Variants in SPON1 observed in about 807,000 individuals in gnomAD.
The protein encoded by SPON1 is spondin-1.
A neutral mutation model predicts 111.7 loss-of-function variants in SPON1; 52 were observed. The observed-to-expected ratio is 0.47, with a 90% confidence interval of 0.37 to 0.59. SPON1 has a LOEUF of 0.59. Ranked by LOEUF, SPON1 falls within the 20% of genes least tolerant of loss-of-function variation. The pLI, the probability that SPON1 is intolerant of heterozygous loss-of-function variation, is 0.00. For missense variants in SPON1, 957 were observed against 1,068.5 expected (o/e 0.90, Z 1.46); for synonymous variants, 410 against 395.8 (o/e 1.04, Z -0.43).
At chr11:14,004,853 C>A (rs1423878934) in intron 2 of SPON1, among the ~76,000 whole-genome samples, 1 of 152,086 alleles carries the variant, frequency 6.6e-6, no homozygotes, top group Non-Finnish European at 1.5e-5. Flanking sequence ...GTCACCCAGG[C>A]TGGAGTGCAG....
At chr11:14,125,295 C>G (rs1348221232) in intron 5 of SPON1, among the ~76,000 whole-genome samples, 3 of 152,194 alleles carry the variant, frequency 2.0e-5, no homozygotes, top group Admixed American at 2.0e-4. Flanking sequence ...ATACAACTGG[C>G]AGGTCCACAA....
At chr11:14,134,405 T>A (rs1210422661) in intron 5 of SPON1, among the ~76,000 whole-genome samples, 1 of 152,248 alleles carries the variant, frequency 6.6e-6, no homozygotes. Flanking sequence ...AAGTTCTGTC[T>A]TGCTCCAGCC....
intron 3 of SPON1, among the ~76,000 whole-genome samples, chr11:14,058,980 T>TTA: frequency 6.6e-6 from 1 of 152,282 alleles, no homozygotes; most frequent in South Asian, 2.1e-4. Flanking sequence ...ATTATGTCTT[T>TTA]TATAAAGTGT....
intron 5 of SPON1, among the ~76,000 whole-genome samples, chr11:14,088,612 G>T (rs1849025657): frequency 6.6e-6 from 1 of 151,506 alleles, no homozygotes; most frequent in Non-Finnish European, 1.5e-5. Flanking sequence ...ATGTGTTTTG[G>T]GGTTGTTCTT....
At chr11:14,057,831 C>CAAAGAAAAAAAAAAA (rs1848756532) in intron 3 of SPON1, among the ~76,000 whole-genome samples, 1 of 100,586 alleles carries the variant, frequency 9.9e-6, no homozygotes, top group Non-Finnish European at 2.1e-5. Context: ...CTTGTCTCTA[C>CAAAGAAAAAAAAAAA]AAAAAAAAAA....
At chr11:14,021,883 T>A (rs1337931524) in intron 2 of SPON1, among the ~76,000 whole-genome samples, 1 of 152,212 alleles carries the variant, frequency 6.6e-6, no homozygotes, top group Non-Finnish European at 1.5e-5. Context: ...TGATCACCCA[T>A]CGCTCTTGCT....
intron 6 of SPON1, among the ~76,000 whole-genome samples, chr11:14,178,474 G>C (rs7482400): frequency 0.047 from 7,029 of 150,286 alleles, 518 homozygotes; most frequent in African/African-American, 0.16. Context: ...GCACAAACTT[G>C]GTCTCAGTTT....
chr11:14,039,515 C>T (rs1449202894), intron 2 of SPON1, among the ~76,000 whole-genome samples: 2 of 151,726 alleles, frequency 1.3e-5, no homozygotes, highest in African/African-American at 4.8e-5. Flanking sequence ...TAAAAGTGCT[C>T]TAAGAAAATA....
chr11:14,059,198 C>T (rs1328762947), intron 3 of SPON1, among the ~76,000 whole-genome samples: 2 of 152,084 alleles, frequency 1.3e-5, no homozygotes, highest in Non-Finnish European at 2.9e-5. Flanking sequence ...GGGTTTTACC[C>T]AGGGTGGCTG....
At chr11:14,000,132 T>A (rs1440676077) in intron 2 of SPON1, among the ~76,000 whole-genome samples, 1 of 152,204 alleles carries the variant, frequency 6.6e-6, no homozygotes, top group African/African-American at 2.4e-5. Flanking sequence ...GGTTGATCAC[T>A]GTCTTCACAG....
At chr11:14,218,921 A>G (rs1848651858) in intron 6 of SPON1, among the ~76,000 whole-genome samples, 1 of 152,236 alleles carries the variant, frequency 6.6e-6, no homozygotes. Flanking sequence ...TGAACAGTGA[A>G]GGACTGAATT....
chr11:13,983,063 C>A, intron 2 of SPON1, 110 bp downstream of exon 2: 1 of 678,012 alleles, frequency 1.5e-6, no homozygotes, highest in Non-Finnish European at 2.6e-6. Flanking sequence ...GACCGTTGGC[C>A]AACGGGGGCA....
In SPON1 at chr11:13,989,095, A is replaced by G. The variant is rs573928527; in HGVS notation, c.345+6142A>G. 1.5e-4 allele frequency among the ~76,000 whole-genome samples: 23 copies of G among 152,122 alleles called. 1 individual carries two copies. In the East Asian group the frequency reaches 2.1e-3, roughly 14 times the overall value. ...ATTAGGGAGGATTCCTTCTTTTTCT[A>G]TTGTTGGGAATAATTTCAGAAGGAA... On this transcript the variant is annotated intron_variant, in intron 2 of 15. Transcript: ENST00000576479.
At chr11:14,229,231 C>T (rs1363071086) in intron 6 of SPON1, among the ~76,000 whole-genome samples, 1 of 152,192 alleles carries the variant, frequency 6.6e-6, no homozygotes, top group East Asian at 1.9e-4. Context: ...GACGTGGGTA[C>T]TTTGCTAGAC....
At chr11:14,245,474 T>G (rs1345944293) in intron 7 of SPON1, among the ~76,000 whole-genome samples, 8 of 152,168 alleles carry the variant, frequency 5.3e-5, no homozygotes, top group Non-Finnish European at 1.0e-4. Flanking sequence ...CATGGCAGCC[T>G]TGTATACTCC....
At position 14,135,474 on chromosome 11, in the gene SPON1, T is replaced by G. The variant is rs782233325; in HGVS notation, c.731T>G (p.Val244Gly). 1 of 1,613,810 alleles carries G rather than the reference T, an allele frequency of 6.2e-7. No homozygotes were observed. Among genetic ancestry groups the G allele is most frequent in the Admixed American group, 1.7e-5 (1 of 60,010 alleles). The change falls in exon 6 of 16, where the codon GTA becomes GGA. Residue 244 changes from valine to glycine, a missense_variant. Around this residue, in one of 5 missense-constraint regions of SPON1, gnomAD observed 122 missense variants for 143.2 expected, o/e 0.85. Transcript: ENST00000576479. The surrounding 1 kb of genome is among the most constrained non-coding windows in gnomAD (Gnocchi z 4.4). ...GGAGGATCCCACTCCAAGAATTATG[T>G]ACTGTGGGAATATGGAGGATATGCC... is the stretch of plus-strand genomic sequence containing the variant. The part of the protein sequence containing the change: ...IIGGSHSKNY[V>G]LWEYGGYASE...
At chr11:14,161,474 A>C (rs1446545980) in intron 6 of SPON1, among the ~76,000 whole-genome samples, 1 of 150,480 alleles carries the variant, frequency 6.6e-6, no homozygotes, top group Non-Finnish European at 1.5e-5. Context: ...GCACACCATC[A>C]CACCCAGATA....
At chr11:14,152,762 G>T (rs1847803030) in intron 6 of SPON1, among the ~76,000 whole-genome samples, 1 of 152,172 alleles carries the variant, frequency 6.6e-6, no homozygotes, top group Non-Finnish European at 1.5e-5. Context: ...CCTGCATAAT[G>T]CATTCAAGAA....
intron 3 of SPON1, among the ~76,000 whole-genome samples, chr11:14,064,033 C>CA (rs1157682491): frequency 1.3e-5 from 2 of 152,098 alleles, no homozygotes; most frequent in African/African-American, 4.8e-5. Flanking sequence ...GGCAGACACT[C>CA]AAAATTATGT....
Sources: gnomAD v4.1 joint callset for allele counts (sites outside exome capture counted in the v4.1 genomes callset) on GRCh38, gnomAD v4.1.1 for gene constraint, gnomAD v4.1.1 regional missense constraint, Gnocchi (gnomAD v3.1) non-coding constraint, MANE v1.5 for transcripts, NCBI Gene and HGNC (gene_info 2026-07-23, HGNC 2026-07-21) for gene names.